WWC2: variants seen among roughly 807,000 people sequenced by gnomAD.
The protein encoded by WWC2 is protein WWC2.
A neutral mutation model predicts 138.5 loss-of-function variants in WWC2; 101 were observed. That is an observed-to-expected ratio of 0.73 (90% CI 0.62 to 0.86). WWC2 has a LOEUF of 0.86. Ranked by LOEUF, WWC2 falls within the 40% of genes least tolerant of loss-of-function variation. WWC2 has a pLI of 0.00. For synonymous variants in WWC2, 558 were observed against 538.4 expected (o/e 1.04, Z -0.50); for missense variants, 1,420 against 1,419.4 (o/e 1.00, Z -0.01).
rs746541290 is a variant in WWC2 at position 183,245,225 on chromosome 4, TAAA to T, written c.603-169_603-167del. Among the ~76,000 whole-genome samples the T allele has an allele frequency of 9.4e-3, 654 of 69,448 alleles. 10 individuals carry two copies. Among genetic ancestry groups the T allele is most frequent in the African/African-American group, 0.027 (632 of 23,062 alleles). 45.6% of individuals were successfully genotyped at this position (69,448 alleles called of 152,430 possible). ...CTGGGCGACAGAACAAGACTCCATC[TAAA>T]AAAAAAAAAAAAAAAAAAAAAGAGA... is the stretch of plus-strand genomic sequence containing the variant. On this transcript the variant is annotated intron_variant, in intron 5 of 22. Transcript: ENST00000403733.
At chr4:183,271,511 T>C (rs762308782) in intron 16 of WWC2, among the ~76,000 whole-genome samples, 1 of 152,224 alleles carries the variant, frequency 6.6e-6, no homozygotes, top group Non-Finnish European at 1.5e-5. Context: ...CATAGGGGCT[T>C]CACTGGTTTT....
intron 6 of WWC2, among the ~76,000 whole-genome samples, chr4:183,246,971 A>G (rs1736799642): frequency 6.6e-6 from 1 of 152,186 alleles, no homozygotes; most frequent in African/African-American, 2.4e-5. Context: ...CTTTGGATTC[A>G]TCTGCAGGCC....
At chr4:183,290,969 G>A (rs1323675160) in intron 21 of WWC2, among the ~76,000 whole-genome samples, 1 of 152,214 alleles carries the variant, frequency 6.6e-6, no homozygotes, top group East Asian at 1.9e-4. Context: ...ACTGACACCA[G>A]TAATAAAACT....
In WWC2 at chr4:183,269,734, T is replaced by A. The variant is rs1737638275; in HGVS notation, c.2400+571T>A. The stretch of plus-strand genomic sequence containing the variant: ...GACCACTGAGTACTATATAGTACCC[T>A]TATTCACCTCATTCTCCTCCACCAC... On this transcript the variant is annotated intron_variant, in intron 15 of 22. Transcript: ENST00000403733. 1.5e-5 allele frequency: 4 copies of A among 269,738 alleles called. No homozygotes were observed. The South Asian group carries it at 1.6e-4, about 11-fold the overall frequency. The allele number at this position is 269,738 out of a possible 1,614,324, so 16.7% of individuals were successfully genotyped here. A position where few individuals can be genotyped will look rare whatever the true frequency, so the allele number is the denominator to read the frequency against.
At chr4:183,184,290 T>C (rs1364561007) in intron 1 of WWC2, among the ~76,000 whole-genome samples, 2 of 152,214 alleles carry the variant, frequency 1.3e-5, no homozygotes, top group South Asian at 2.1e-4. Context: ...TTCATCCATA[T>C]TGTAGCATGT....
At chr4:183,176,804 A>G in intron 1 of WWC2, among the ~76,000 whole-genome samples, 1 of 152,164 alleles carries the variant, frequency 6.6e-6, no homozygotes, top group Admixed American at 6.5e-5. Flanking sequence ...GGGGAAGAGA[A>G]GAATGATCAT....
chr4:183,306,881 C>CA (rs55750701), intron 21 of WWC2, among the ~76,000 whole-genome samples: 976 of 85,044 alleles, frequency 0.011, 34 homozygotes, highest in African/African-American at 0.031. Context: ...ATATATGAGG[C>CA]AAAAAAAAAA....
intron 4 of WWC2, among the ~76,000 whole-genome samples, chr4:183,220,696 T>C (rs1208695571): frequency 6.6e-6 from 1 of 151,730 alleles, no homozygotes; most frequent in South Asian, 2.1e-4. Flanking sequence ...TAGCCGGGCG[T>C]GGTGGCGGGC....
chr4:183,271,032 A>G (rs369056974), intron 15 of WWC2, 48 bp from the exon 16 acceptor site: 20 of 1,420,660 alleles, frequency 1.4e-5, no homozygotes, highest in Admixed American at 2.9e-5. Context: ...TAAACATTTT[A>G]TTTTCTCTTC....
chr4:183,152,453 T>G (rs894576844), intron 1 of WWC2, among the ~76,000 whole-genome samples: 1 of 151,246 alleles, frequency 6.6e-6, no homozygotes, highest in Non-Finnish European at 1.5e-5. Context: ...GAGCTGAGAT[T>G]GTGCCACTGC....
intron 2 of WWC2, among the ~76,000 whole-genome samples, chr4:183,206,044 T>G (rs1735437311): frequency 6.6e-6 from 1 of 152,132 alleles, no homozygotes; most frequent in South Asian, 2.1e-4. Context: ...TCTGCTTCCC[T>G]CTCCCTGCAA....
intron 21 of WWC2, among the ~76,000 whole-genome samples, chr4:183,290,887 A>C (rs1738427276): frequency 6.6e-6 from 1 of 152,250 alleles, no homozygotes; most frequent in Non-Finnish European, 1.5e-5. Context: ...GAAAGTGTGA[A>C]TCGTCCAGCT....
At position 183,111,747 on chromosome 4, in the gene WWC2, G is replaced by A. The variant is rs1379789556; in HGVS notation, c.131+12125G>A. Among the ~76,000 whole-genome samples the A allele has an allele frequency of 4.0e-5, 6 of 150,878 alleles. 1 individual carries two copies. Among genetic ancestry groups the A allele is most frequent in the Non-Finnish European group, 5.9e-5 (4 of 67,802 alleles). ...CTCACTCTGTTGCCCAGGCTGGAGT[G>A]CAGTGGCGTGATCATGGCTCGTTGC... On this transcript the variant is annotated intron_variant, in intron 1 of 22. Coordinates refer to ENST00000403733, the MANE Select transcript of WWC2 (RefSeq NM_024949.6).
intron 1 of WWC2, among the ~76,000 whole-genome samples, chr4:183,161,005 C>A (rs1332685770): frequency 6.6e-6 from 1 of 151,952 alleles, no homozygotes; most frequent in African/African-American, 2.4e-5. Flanking sequence ...AAAATAAAAT[C>A]TATGCTTCTC....
intron 1 of WWC2, among the ~76,000 whole-genome samples, chr4:183,113,258 G>T (rs562294297): frequency 6.6e-6 from 1 of 152,088 alleles, no homozygotes; most frequent in South Asian, 2.1e-4. Context: ...GTTTCCATCA[G>T]CACAGATTGA....
intron 1 of WWC2, among the ~76,000 whole-genome samples, chr4:183,137,326 ATATCT>A (rs1367290901): frequency 6.6e-6 from 1 of 152,164 alleles, no homozygotes; most frequent in Non-Finnish European, 1.5e-5. Flanking sequence ...CTGTTCAAAA[ATATCT>A]TTTCTTTGTG....
intron 11 of WWC2, among the ~76,000 whole-genome samples, chr4:183,261,771 A>G (rs575996390): frequency 6.6e-6 from 1 of 152,352 alleles, no homozygotes; most frequent in African/African-American, 2.4e-5. Context: ...TCAGTTGTCC[A>G]GAGACACTCT....
chr4:183,238,593 G>T (rs981805578), intron 4 of WWC2, among the ~76,000 whole-genome samples: 1 of 152,058 alleles, frequency 6.6e-6, no homozygotes, highest in African/African-American at 2.4e-5. Context: ...AATTCCAGAG[G>T]TTTGCTGAAT....
chr4:183,224,735 A>G (rs1013976214), intron 4 of WWC2, among the ~76,000 whole-genome samples: 1 of 151,924 alleles, frequency 6.6e-6, no homozygotes, highest in Admixed American at 6.6e-5. Flanking sequence ...TAATTTTTGT[A>G]TGTTTAGTAG....
Sources: gnomAD v4.1 joint callset for allele counts (sites outside exome capture counted in the v4.1 genomes callset) on GRCh38, gnomAD v4.1.1 for gene constraint, MANE v1.5 for transcripts, NCBI Gene and HGNC (gene_info 2026-07-23, HGNC 2026-07-21) for gene names.